NDEL1: variants seen among roughly 807,000 people sequenced by gnomAD.
The protein encoded by NDEL1 is nuclear distribution protein nudE-like 1.
Under a neutral mutation model 45.7 loss-of-function variants are expected in NDEL1, and 9 were observed. That is an observed-to-expected ratio of 0.20 (90% CI 0.12 to 0.34). The LOEUF is 0.34. Among genes scored for constraint, NDEL1 ranks in the 10% least tolerant of loss-of-function variants. NDEL1 has a pLI of 1.00. For synonymous variants in NDEL1, 133 were observed against 158.6 expected (o/e 0.84, Z 1.21); for missense variants, 306 against 406.2 (o/e 0.75, Z 2.12).
At chr17:8,417,736 T>C (rs562636670) in intron 1 of NDEL1, among the ~76,000 whole-genome samples, 2 of 152,336 alleles carry the variant, frequency 1.3e-5, no homozygotes, top group Admixed American at 1.3e-4. Flanking sequence ...TCATTCTGTA[T>C]GTAGCTTCAA....
At chr17:8,444,532 C>G in intron 2 of NDEL1, 175 bp downstream of exon 2, 1 of 541,490 alleles carries the variant, frequency 1.8e-6, no homozygotes. Context: ...TGTAAACATG[C>G]CATAAGTCTT....
At chr17:8,426,662 G>A (rs1045195190) in intron 1 of NDEL1, among the ~76,000 whole-genome samples, 1 of 152,132 alleles carries the variant, frequency 6.6e-6, no homozygotes, top group Non-Finnish European at 1.5e-5. Context: ...CAGGAAAACC[G>A]TGAGGTTCCA....
intron 7 of NDEL1, among the ~76,000 whole-genome samples, chr17:8,456,680 G>T (rs998377115): frequency 1.3e-5 from 2 of 152,024 alleles, no homozygotes; most frequent in African/African-American, 4.8e-5. Context: ...TGTATTTTTA[G>T]TAGAGACGGG....
At chr17:8,413,953 A>AGT (rs1908484033) in intron 1 of NDEL1, among the ~76,000 whole-genome samples, 2 of 152,356 alleles carry the variant, frequency 1.3e-5, no homozygotes, top group South Asian at 4.1e-4. Context: ...AGACATTGAA[A>AGT]GTGTTTGCAT....
chr17:8,463,232 T>G, intron 8 of NDEL1: 1 of 982,248 alleles, frequency 1.0e-6, no homozygotes, highest in Non-Finnish European at 1.6e-6. Flanking sequence ...TTTTGGGCTG[T>G]GTGTAGGTGG....
upstream of NDEL1, chr17:8,431,172 C>T (rs1258628606): frequency 6.6e-6 from 1 of 152,300 alleles, no homozygotes; most frequent in Non-Finnish European, 1.5e-5. Flanking sequence ...AGAGCCGCAG[C>T]CCTTATTAAT....
intron 8 of NDEL1, among the ~76,000 whole-genome samples, chr17:8,463,651 C>T (rs1911388505): frequency 2.0e-5 from 3 of 152,168 alleles, no homozygotes; most frequent in Non-Finnish European, 2.9e-5. Context: ...CAGAGTCTGG[C>T]GATGGGGGTT....
At chr17:8,473,351 T>A (rs1911951235) in intron 3 of NDEL1, among the ~76,000 whole-genome samples, 1 of 152,068 alleles carries the variant, frequency 6.6e-6, no homozygotes, top group Non-Finnish European at 1.5e-5. Flanking sequence ...CACACCTGGC[T>A]AATTTTTGTA....
At chr17:8,420,862 G>C (rs1235798490) in intron 1 of NDEL1, among the ~76,000 whole-genome samples, 1 of 152,244 alleles carries the variant, frequency 6.6e-6, no homozygotes, top group Non-Finnish European at 1.5e-5. Flanking sequence ...ACAGGAAGCA[G>C]AAGTTGTGGG....
downstream of NDEL1, among the ~76,000 whole-genome samples, chr17:8,470,703 C>T (rs1911813510): frequency 6.6e-6 from 1 of 152,242 alleles, no homozygotes; most frequent in Non-Finnish European, 1.5e-5. This position sits in a 1 kb window ranked among gnomAD's most constrained non-coding sequence, Gnocchi z 4.2. Context: ...TCTTTTTCTG[C>T]TGTGCCTTTC....
Position 8,461,895 on chromosome 17 carries a change from C to T in NDEL1, c.944+1735C>T, listed in dbSNP as rs1911232677. 2.0e-5 allele frequency among the ~76,000 whole-genome samples: 3 copies of T among 151,924 alleles called. No individual in the cohort carries two copies. In the South Asian group the frequency reaches 6.2e-4, roughly 32 times the overall value. On this transcript the variant is annotated intron_variant, in intron 8 of 8. Coordinates refer to ENST00000334527, the MANE Select transcript of NDEL1 (RefSeq NM_030808.5). ...AGGTGTGAATCATAAATGGATAGGT[C>T]GGACAGGTGCCTGTGCGTGTGGAAG...
intron 8 of NDEL1, 143 bp from the exon 9 acceptor site, chr17:8,466,787 C>CAGT: frequency 1.4e-6 from 1 of 732,512 alleles, no homozygotes; most frequent in Middle Eastern, 2.4e-4. Context: ...TCCAGGCAGC[C>CAGT]AGTGCCCCTT....
At chr17:8,456,974 T>C (rs1029865405) in intron 7 of NDEL1, among the ~76,000 whole-genome samples, 1 of 152,270 alleles carries the variant, frequency 6.6e-6, no homozygotes, top group Non-Finnish European at 1.5e-5. Flanking sequence ...TGTTATTTAC[T>C]GTGTAATCAC....
downstream of NDEL1, among the ~76,000 whole-genome samples, chr17:8,468,447 T>TG (rs1205851867): frequency 6.6e-6 from 1 of 152,192 alleles, no homozygotes; most frequent in Non-Finnish European, 1.5e-5. Flanking sequence ...GGGCGGAAGT[T>TG]CACAAAGTCC....
downstream of NDEL1, among the ~76,000 whole-genome samples, chr17:8,471,830 A>G (rs553306863): frequency 3.3e-5 from 5 of 152,296 alleles, no homozygotes; most frequent in Admixed American, 1.3e-4. Context: ...TCTGGTCCTG[A>G]CAGCTGACTT....
At chr17:8,420,494 G>C (rs924196741) in intron 1 of NDEL1, among the ~76,000 whole-genome samples, 5 of 152,222 alleles carry the variant, frequency 3.3e-5, no homozygotes, top group Admixed American at 1.3e-4. Context: ...TGGTTTCAAA[G>C]TTCAATTTGC....
intron 1 of NDEL1, among the ~76,000 whole-genome samples, chr17:8,416,000 G>C (rs913428265): frequency 4.6e-5 from 7 of 152,004 alleles, no homozygotes; most frequent in African/African-American, 1.7e-4. Context: ...ACCCGTCTCC[G>C]CCTCCCAAAG....
At chr17:8,432,319 TTA>T (rs1439191516), upstream of NDEL1, among the ~76,000 whole-genome samples, 1 of 48,394 alleles carries the variant, frequency 2.1e-5, no homozygotes, top group Non-Finnish European at 4.4e-5. Flanking sequence ...ATATATATAT[TTA>T]TATATAAATA....
At chr17:8,461,426 T>A (rs566587513) in intron 8 of NDEL1, 1 of 152,358 alleles carries the variant, frequency 6.6e-6, no homozygotes, top group South Asian at 2.1e-4. Flanking sequence ...AATTTTTGTT[T>A]TCTTTTGAAG....
Sources: gnomAD v4.1 joint callset for allele counts (sites outside exome capture counted in the v4.1 genomes callset) on GRCh38, gnomAD v4.1.1 for gene constraint, Gnocchi (gnomAD v3.1) non-coding constraint, MANE v1.5 for transcripts, NCBI Gene and HGNC (gene_info 2026-07-23, HGNC 2026-07-21) for gene names.